BCAS3: variants seen among roughly 807,000 people sequenced by gnomAD.
The protein encoded by BCAS3 is BCAS3 microtubule associated cell migration factor, also known as BCAS4/BCAS3 fusion.
BCAS3 carries 53 observed loss-of-function variants against 116.1 expected under a neutral mutation model. The observed-to-expected ratio is 0.46, with a 90% confidence interval of 0.37 to 0.57. BCAS3 has a LOEUF of 0.57. Among genes scored for constraint, BCAS3 ranks in the 20% least tolerant of loss-of-function variants. The pLI is 0.00. For synonymous variants in BCAS3, 391 were observed against 408.2 expected, an observed-to-expected ratio of 0.96 and a Z score of 0.51; for missense variants, 917 against 1,165.4, an observed-to-expected ratio of 0.79 and a Z score of 3.10.
chr17:60,981,489 G>A (rs183214150), intron 14 of BCAS3, among the ~76,000 whole-genome samples: 2 of 152,120 alleles, frequency 1.3e-5, no homozygotes, highest in East Asian at 3.9e-4. Context: ...CACCATGTTG[G>A]CCAGGCTGGT....
intron 22 of BCAS3, among the ~76,000 whole-genome samples, chr17:61,148,091 G>A (rs940960962): frequency 6.6e-6 from 1 of 152,158 alleles, no homozygotes; most frequent in African/African-American, 2.4e-5. Context: ...TTGACAGTAA[G>A]TGCTATAGGA....
intron 10 of BCAS3, among the ~76,000 whole-genome samples, chr17:60,896,581 CT>C (rs371499395): frequency 2.7e-5 from 4 of 146,602 alleles, no homozygotes; most frequent in East Asian, 2.0e-4. Flanking sequence ...CCTTCTTTGT[CT>C]TTTTTTTTTC....
rs1426197146 is a variant in BCAS3, at chr17:60,936,577, A to T, written c.1088-10642A>T. 1.1e-4 allele frequency among the ~76,000 whole-genome samples: 17 copies of T among 150,922 alleles called. No homozygotes were observed. The South Asian group carries it at 1.5e-3, about 13-fold the overall frequency. Reference sequence around the variant, plus strand: ...TAACTGGTGTGAGATGGTATCTCATAGTGGTTTTGATTTGCATTTCTCTGA... The same window carrying T: ...TAACTGGTGTGAGATGGTATCTCATTGTGGTTTTGATTTGCATTTCTCTGA... On this transcript the variant is annotated intron_variant, in intron 13 of 23. Transcript: ENST00000407086.
At chr17:61,147,380 C>A (rs1354669148) in intron 22 of BCAS3, among the ~76,000 whole-genome samples, 1 of 151,866 alleles carries the variant, frequency 6.6e-6, no homozygotes, top group Non-Finnish European at 1.5e-5. Context: ...CCGGCCATAC[C>A]TGGCTAATTT....
At chr17:60,841,674 A>G (rs1038670911) in intron 7 of BCAS3, among the ~76,000 whole-genome samples, 2 of 151,202 alleles carry the variant, frequency 1.3e-5, no homozygotes, top group East Asian at 1.9e-4. Context: ...GCCATTGCGC[A>G]TGGCCTATCT....
chr17:60,941,547 A>G (rs555356916), intron 13 of BCAS3, among the ~76,000 whole-genome samples: 1 of 152,150 alleles, frequency 6.6e-6, no homozygotes, highest in Non-Finnish European at 1.5e-5. Context: ...CTGCTCTTTA[A>G]ATTTTTTATA....
intron 19 of BCAS3, among the ~76,000 whole-genome samples, chr17:61,061,725 A>C (rs1180421506): frequency 6.6e-6 from 1 of 152,204 alleles, no homozygotes; most frequent in African/African-American, 2.4e-5. Context: ...AATGCATCTA[A>C]CATTCAGGTT....
In BCAS3 at chr17:61,151,470, G is replaced by A. The variant is rs1202729692; in HGVS notation, c.2425+66906G>A. ...AATCTAAACATCTCTTTCATTCAAC[G>A]TTTTCTTTTTTTTTTGAGATAGGGT... On this transcript the variant is annotated intron_variant, in intron 22 of 23. Coordinates refer to ENST00000407086, the MANE Select transcript of BCAS3 (RefSeq NM_017679.5). The surrounding 1 kb of genome is among the most constrained non-coding windows in gnomAD (Gnocchi z 4.8). Among the ~76,000 whole-genome samples, 1 of 145,280 alleles carries A rather than the reference G, an allele frequency of 6.9e-6. No individual in the cohort carries two copies. Among genetic ancestry groups the A allele is most frequent in the Admixed American group, 6.7e-5 (1 of 14,870 alleles).
In BCAS3 at chr17:61,233,149, T is replaced by A. The variant is rs926664322; in HGVS notation, c.2426-135178T>A. 7.9e-5 allele frequency among the ~76,000 whole-genome samples: 12 copies of A among 152,104 alleles called. No homozygotes were observed. The highest frequency in any genetic ancestry group is 3.8e-4 in the East Asian group (2 of 5,196). On this transcript the variant is annotated intron_variant, in intron 22 of 23. Transcript: ENST00000407086. This position sits in a 1 kb window ranked among gnomAD's most constrained non-coding sequence, Gnocchi z 4.3. ...AAAGGGGCTAAAAATACTTCTTTTTTAAAAAACTCCTCTCCATATTATCTA... is the reference window on the plus strand; with the variant it reads ...AAAGGGGCTAAAAATACTTCTTTTTAAAAAAACTCCTCTCCATATTATCTA...
intron 6 of BCAS3, among the ~76,000 whole-genome samples, chr17:60,772,438 T>G (rs2044808284): frequency 6.6e-6 from 1 of 152,220 alleles, no homozygotes; most frequent in Admixed American, 6.5e-5. Context: ...TTAAGTTCTT[T>G]GTAGATTCTG....
intron 22 of BCAS3, among the ~76,000 whole-genome samples, chr17:61,360,188 A>AG (rs1463384123): frequency 6.6e-6 from 1 of 151,950 alleles, no homozygotes; most frequent in African/African-American, 2.4e-5. Context: ...ATTTTTTAGT[A>AG]GAGATGGGGT....
At chr17:60,799,052 A>G (rs2047462698) in intron 6 of BCAS3, among the ~76,000 whole-genome samples, 1 of 152,158 alleles carries the variant, frequency 6.6e-6, no homozygotes, top group South Asian at 2.1e-4. Context: ...GTGTTGGCTA[A>G]CAATCCTTTT....
intron 7 of BCAS3, among the ~76,000 whole-genome samples, chr17:60,841,473 G>A (rs888211511): frequency 1.7e-4 from 25 of 149,862 alleles, no homozygotes; most frequent in African/African-American, 6.2e-4. Flanking sequence ...TCTGCCTCCT[G>A]GGTTCACGCC....
At chr17:60,811,681 T>A (rs2048838585) in intron 7 of BCAS3, among the ~76,000 whole-genome samples, 1 of 152,152 alleles carries the variant, frequency 6.6e-6, no homozygotes, top group Non-Finnish European at 1.5e-5. Context: ...AAATAGATAA[T>A]CTCAACAAGG....
chr17:60,841,163 A>G (rs2051863221), intron 7 of BCAS3, among the ~76,000 whole-genome samples: 1 of 152,300 alleles, frequency 6.6e-6, no homozygotes, highest in South Asian at 2.1e-4. Flanking sequence ...AATTTTACTT[A>G]TACTGCTGAA....
rs536097072 is a variant in BCAS3, at chr17:61,156,421, G to A, written c.2425+71857G>A. Among the ~76,000 whole-genome samples, 13 of 152,168 alleles carry A rather than the reference G, an allele frequency of 8.5e-5. No individual in the cohort carries two copies. Among genetic ancestry groups the A allele is most frequent in the South Asian group, 4.2e-4 (2 of 4,804 alleles). On this transcript the variant is annotated intron_variant, in intron 22 of 23. Transcript: ENST00000407086. This position sits in a 1 kb window ranked among gnomAD's most constrained non-coding sequence, Gnocchi z 4.7. ...GGAAACTTAGAGTAATATTTGGTCT[G>A]CCAAAATGAGATAGAGAAATGGAAA... is the stretch of plus-strand genomic sequence containing the variant.
At chr17:60,867,661 T>C (rs1196491316) in intron 7 of BCAS3, among the ~76,000 whole-genome samples, 1 of 152,214 alleles carries the variant, frequency 6.6e-6, no homozygotes, top group African/African-American at 2.4e-5. Flanking sequence ...TCTGTGTGTG[T>C]GTGCACAGAT....
chr17:60,729,068 C>T (rs1404049088), intron 5 of BCAS3, among the ~76,000 whole-genome samples: 1 of 152,182 alleles, frequency 6.6e-6, no homozygotes, highest in African/African-American at 2.4e-5. Context: ...TTCATATAAA[C>T]AGGGGCACAC....
rs370534400 is a variant in BCAS3 at position 61,196,749 on chromosome 17, C to T, written c.2425+112185C>T. On this transcript the variant is annotated intron_variant, in intron 22 of 23. Coordinates refer to ENST00000407086, the MANE Select transcript of BCAS3 (RefSeq NM_017679.5). The surrounding 1 kb of genome is among the most constrained non-coding windows in gnomAD (Gnocchi z 4.7). ...TCTGAGACGGAAGGCTTGCATTTAT[C>T]GGCATTCATGCTCCGTTTTTTCTGT... Among the ~76,000 whole-genome samples the T allele has an allele frequency of 1.3e-5, 2 of 152,338 alleles. No individual in the cohort carries two copies. The highest frequency in any genetic ancestry group is 6.5e-5 in the Admixed American group (1 of 15,304).
Sources: allele counts gnomAD v4.1 joint callset (sites outside exome capture counted in the v4.1 genomes callset), GRCh38; gene constraint gnomAD v4.1.1; non-coding constraint Gnocchi (gnomAD v3.1); transcripts MANE v1.5; gene names NCBI Gene and HGNC (gene_info 2026-07-23, HGNC 2026-07-21).